The following NIPAL3 variants were observed in gnomAD, a reference collection of about 807,000 sequenced individuals.
The protein encoded by NIPAL3 is NIPA-like protein 3.
NIPAL3 carries 41 observed loss-of-function variants against 47.2 expected under a neutral mutation model. The observed-to-expected ratio is 0.87, with a 90% CI of 0.68 to 1.13. NIPAL3 has a LOEUF of 1.13. NIPAL3 is among the 50% of genes most tolerant of loss of function. The probability of loss-of-function intolerance (pLI) is 0.00; values close to 1 mark genes in which losing one functional copy is unlikely to be tolerated. For synonymous variants in NIPAL3, 194 were observed against 209.6 expected (o/e 0.93, Z 0.64); for missense variants, 449 against 530.1 (o/e 0.85, Z 1.50).
chr1:24,436,010 G>A (rs1401622894), intron 2 of NIPAL3, among the ~76,000 whole-genome samples: 3 of 152,188 alleles, frequency 2.0e-5, no homozygotes, highest in South Asian at 2.1e-4. Context: ...GAAGGGGCGA[G>A]CAGCCTCTCT....
intron 7 of NIPAL3, among the ~76,000 whole-genome samples, chr1:24,455,888 T>G (rs923861602): frequency 6.6e-6 from 1 of 152,194 alleles, no homozygotes; most frequent in African/African-American, 2.4e-5. Flanking sequence ...TGTCTAGGAT[T>G]ACCTTCAGGG....
chr1:24,450,382 T>A (rs958346953), intron 6 of NIPAL3, among the ~76,000 whole-genome samples: 1 of 152,000 alleles, frequency 6.6e-6, no homozygotes, highest in Non-Finnish European at 1.5e-5. Context: ...TGTTATTTTA[T>A]TTTTTTTCCC....
chr1:24,467,531 G>T (rs1423724450), intron 11 of NIPAL3, among the ~76,000 whole-genome samples: 1 of 152,122 alleles, frequency 6.6e-6, no homozygotes, highest in Non-Finnish European at 1.5e-5. Context: ...CCCCGAGTTT[G>T]GACCCTGGCA....
In NIPAL3 at chr1:24,416,262, A is replaced by C. The variant is rs995150525; in HGVS notation, c.-258+358A>C. On this transcript the variant is annotated intron_variant, in intron 1 of 11. Transcript: ENST00000374399. The surrounding 1 kb of genome is among the most constrained non-coding windows in gnomAD (Gnocchi z 4.8). ...GATGAGGGGAGGCGTTCTTGGTCTAAGCCCGCTTCTGGAACAGAGGTGCTG... is the reference window on the plus strand; with the variant it reads ...GATGAGGGGAGGCGTTCTTGGTCTACGCCCGCTTCTGGAACAGAGGTGCTG... 2.0e-6 allele frequency: 2 copies of C among 985,302 alleles called. No homozygotes were observed. Among genetic ancestry groups the C allele is most frequent in the Non-Finnish European group, 2.4e-6 (2 of 829,966 alleles). The allele number at this position is 985,302 out of a possible 1,614,324, so 61.0% of individuals were successfully genotyped here.
Position 24,454,226 on chromosome 1 carries a change from G to A in NIPAL3, c.637+722G>A. 1.7e-6 allele frequency: 2 copies of A among 1,184,118 alleles called. No individual in the cohort carries two copies. Among genetic ancestry groups the A allele is most frequent in the Non-Finnish European group, 2.1e-6 (2 of 941,768 alleles). 73.4% of individuals were successfully genotyped at this position (1,184,118 alleles called of 1,614,324 possible). On this transcript the variant is annotated intron_variant, in intron 7 of 11. Coordinates refer to ENST00000374399, the MANE Select transcript of NIPAL3 (RefSeq NM_020448.5). This position sits in a 1 kb window ranked among gnomAD's most constrained non-coding sequence, Gnocchi z 4.1. ...TATAATTTTATAGCTAAATAGAGCTGTGGGGAATCCATCCTTCCTGAGGAG... is the reference window on the plus strand; with the variant it reads ...TATAATTTTATAGCTAAATAGAGCTATGGGGAATCCATCCTTCCTGAGGAG...
At chr1:24,428,277 AG>A (rs1644708261) in intron 2 of NIPAL3, among the ~76,000 whole-genome samples, 3 of 150,822 alleles carry the variant, frequency 2.0e-5, no homozygotes, top group Non-Finnish European at 4.4e-5. Flanking sequence ...AGAGAGAGAG[AG>A]AGAGAGAGAG....
At chr1:24,435,978 C>T (rs980981138) in intron 2 of NIPAL3, among the ~76,000 whole-genome samples, 1 of 152,222 alleles carries the variant, frequency 6.6e-6, no homozygotes, top group Non-Finnish European at 1.5e-5. Flanking sequence ...ACGGCACTTC[C>T]TCTCTCTGTC....
intron 8 of NIPAL3, among the ~76,000 whole-genome samples, chr1:24,458,666 G>T (rs1646333648): frequency 6.6e-6 from 1 of 152,138 alleles, no homozygotes; most frequent in African/African-American, 2.4e-5. Flanking sequence ...TGGGAAATGG[G>T]GATGGGCCTT....
At chr1:24,460,664 GT>G in intron 10 of NIPAL3, 120 bp downstream of exon 10, 1 of 778,408 alleles carries the variant, frequency 1.3e-6, no homozygotes. Context: ...GAGCTGTGGG[GT>G]TTTGGAGCTT....
At chr1:24,457,871 A>G (rs770022071) in intron 8 of NIPAL3, 13 of 521,380 alleles carry the variant, frequency 2.5e-5, no homozygotes, top group African/African-American at 1.9e-4. Flanking sequence ...TGGCCTTGCT[A>G]TTGTTATTTT....
chr1:24,427,852 C>CCT (rs2148766690), intron 2 of NIPAL3, among the ~76,000 whole-genome samples: 1 of 152,268 alleles, frequency 6.6e-6, no homozygotes, highest in East Asian at 1.9e-4. Context: ...AGCAAAAGTT[C>CCT]CTCTCTGACC....
rs532396900 is a variant in NIPAL3 at position 24,451,919 on chromosome 1, A to C, written c.541-1489A>C. Among the ~76,000 whole-genome samples, 1 of 152,348 alleles carries C rather than the reference A, an allele frequency of 6.6e-6. No homozygotes were observed. The highest frequency in any genetic ancestry group is 2.1e-4 in the South Asian group (1 of 4,828). ...CAGTACAAAATCGTGCATTGACTAT[A>C]ATGACAACTCGTTAAAATATGGATT... On this transcript the variant is annotated intron_variant, in intron 6 of 11. Coordinates refer to ENST00000374399, the MANE Select transcript of NIPAL3 (RefSeq NM_020448.5). The surrounding 1 kb of genome is among the most constrained non-coding windows in gnomAD (Gnocchi z 4.5).
Position 24,449,641 on chromosome 1 carries a change from C to T in NIPAL3, c.540+15C>T, listed in dbSNP as rs774035270. 5 of 1,608,822 alleles carry T rather than the reference C, an allele frequency of 3.1e-6. No homozygotes were observed. The highest frequency in any genetic ancestry group is 8.5e-7 in the Non-Finnish European group (1 of 1,177,600). On this transcript the variant is annotated intron_variant, in intron 6 of 11. Coordinates refer to ENST00000374399, the MANE Select transcript of NIPAL3 (RefSeq NM_020448.5). This position sits in a 1 kb window ranked among gnomAD's most constrained non-coding sequence, Gnocchi z 4.5. ...TTTTGTACATGGTAAGAGAAGCCTCCAGTCGTTCCCCCTGAGATGGCAGGA... is the reference window on the plus strand; with the variant it reads ...TTTTGTACATGGTAAGAGAAGCCTCTAGTCGTTCCCCCTGAGATGGCAGGA...
At chr1:24,441,947 A>T in intron 3 of NIPAL3, 108 bp from the exon 4 acceptor site, 1 of 1,146,740 alleles carries the variant, frequency 8.7e-7, no homozygotes. Context: ...AGAACCTGAC[A>T]AGTCTTCCCA....
intron 9 of NIPAL3, among the ~76,000 whole-genome samples, chr1:24,459,653 G>A (rs929668669): frequency 2.1e-4 from 32 of 152,218 alleles, no homozygotes; most frequent in Non-Finnish European, 1.2e-4. Context: ...AAGTGGTGCC[G>A]CAGTTCCTGT....
chr1:24,440,364 G>A (rs1645320521), intron 3 of NIPAL3, 124 bp downstream of exon 3: 1 of 621,070 alleles, frequency 1.6e-6, no homozygotes, highest in African/African-American at 1.9e-5. Flanking sequence ...GGCTGCACCT[G>A]GGACAATACC....
intron 2 of NIPAL3, among the ~76,000 whole-genome samples, chr1:24,425,722 A>G (rs1051353704): frequency 7.2e-5 from 11 of 152,178 alleles, no homozygotes; most frequent in African/African-American, 2.7e-4. Flanking sequence ...TAACTTGGGG[A>G]AAATCATGTA....
chr1:24,440,128 G>T (rs1645305740), intron 2 of NIPAL3, 44 bp from the exon 3 acceptor site: 1 of 1,471,112 alleles, frequency 6.8e-7, no homozygotes. Flanking sequence ...GGGCCCCCTG[G>T]CTTGTGCCCA....
intron 2 of NIPAL3, among the ~76,000 whole-genome samples, chr1:24,438,428 G>A (rs2148799016): frequency 6.6e-6 from 1 of 152,308 alleles, no homozygotes; most frequent in East Asian, 1.9e-4. Context: ...GCTATCCATA[G>A]TGATTTCAGT....
Sources: gnomAD v4.1 joint callset for allele counts (sites outside exome capture counted in the v4.1 genomes callset) on GRCh38, gnomAD v4.1.1 for gene constraint, Gnocchi (gnomAD v3.1) non-coding constraint, MANE v1.5 for transcripts, NCBI Gene and HGNC (gene_info 2026-07-23, HGNC 2026-07-21) for gene names.